WWOX: variants seen among roughly 807,000 people sequenced by gnomAD.
WWOX encodes WW domain containing oxidoreductase.
WWOX carries 69 observed loss-of-function variants against 46.2 expected under a neutral mutation model. The observed-to-expected ratio is 1.49, with a 90% CI of 1.23 to 1.82. The LOEUF is 1.82. WWOX is among the 40% of genes most tolerant of loss of function. The pLI, the probability that WWOX is intolerant of heterozygous loss-of-function variation, is 0.00. For synonymous variants in WWOX, 359 were observed against 202.6 expected (o/e 1.77, Z -6.56); for missense variants, 919 against 542.6 (o/e 1.69, Z -6.89).
intron 8 of WWOX, among the ~76,000 whole-genome samples, chr16:78,773,208 T>C (rs1202419282): frequency 1.3e-5 from 2 of 152,192 alleles, no homozygotes; most frequent in Non-Finnish European, 2.9e-5. Context: ...GGGCAGTTAA[T>C]ATATATTTGT....
intron 8 of WWOX, among the ~76,000 whole-genome samples, chr16:79,073,719 C>T (rs566641212): frequency 6.6e-6 from 1 of 152,076 alleles, no homozygotes; most frequent in African/African-American, 2.4e-5. Flanking sequence ...TGATGAAGTT[C>T]TAGTAAATGG....
chr16:78,387,526 A>G (rs1339216187), intron 6 of WWOX, among the ~76,000 whole-genome samples: 1 of 152,010 alleles, frequency 6.6e-6, no homozygotes, highest in African/African-American at 2.4e-5. Flanking sequence ...TTTTGATCCT[A>G]TCATATGCTA....
intron 5 of WWOX, among the ~76,000 whole-genome samples, chr16:78,210,186 A>C (rs1042709066): frequency 6.6e-6 from 1 of 152,200 alleles, no homozygotes; most frequent in Admixed American, 6.5e-5. Context: ...TTCAATATTC[A>C]AAGTACATCT....
At chr16:78,566,815 C>T (rs2044580178) in intron 8 of WWOX, among the ~76,000 whole-genome samples, 1 of 152,214 alleles carries the variant, frequency 6.6e-6, no homozygotes, top group African/African-American at 2.4e-5. Context: ...GCTTTTTGCA[C>T]ATTGTTTGAT....
intron 8 of WWOX, among the ~76,000 whole-genome samples, chr16:78,458,457 C>T (rs952828538): frequency 6.6e-6 from 1 of 151,894 alleles, no homozygotes; most frequent in Non-Finnish European, 1.5e-5. Flanking sequence ...GACAAGGTTT[C>T]CCTATGTTGC....
chr16:79,064,488 A>G (rs761448179), intron 8 of WWOX, among the ~76,000 whole-genome samples: 7 of 152,160 alleles, frequency 4.6e-5, no homozygotes, highest in Non-Finnish European at 1.0e-4. Flanking sequence ...ACGTTTGTTG[A>G]GGGATTTGAG....
At position 78,843,642 on chromosome 16, in the gene WWOX, C is replaced by T. The variant is rs148480892; in HGVS notation, c.1057-367966C>T. 3.4e-3 allele frequency among the ~76,000 whole-genome samples: 513 copies of T among 152,164 alleles called. 12 individuals are homozygous for T. The highest frequency in any genetic ancestry group is 0.012 in the African/African-American group (489 of 41,552). On this transcript the variant is annotated intron_variant, in intron 8 of 8. Coordinates refer to ENST00000566780, the MANE Select transcript of WWOX (RefSeq NM_016373.4). ...AATGAATGAGGAAGTGAGCAAATCACACTCATCGAGGAGCAAAATAATTCA... is the reference window on the plus strand; with the variant it reads ...AATGAATGAGGAAGTGAGCAAATCATACTCATCGAGGAGCAAAATAATTCA...
At chr16:78,570,971 C>A (rs2044702001) in intron 8 of WWOX, among the ~76,000 whole-genome samples, 1 of 152,100 alleles carries the variant, frequency 6.6e-6, no homozygotes, top group Admixed American at 6.6e-5. Flanking sequence ...GGTGCCCTGG[C>A]AAGGCAAAGA....
At chr16:78,871,431 G>A (rs530444525) in intron 8 of WWOX, among the ~76,000 whole-genome samples, 64 of 152,288 alleles carry the variant, frequency 4.2e-4, no homozygotes, top group African/African-American at 1.3e-3. Flanking sequence ...CACAGGCTTC[G>A]ATGAAGCTTG....
chr16:79,207,761 T>G (rs2051567563), intron 8 of WWOX, among the ~76,000 whole-genome samples: 1 of 151,092 alleles, frequency 6.6e-6, no homozygotes, highest in Non-Finnish European at 1.5e-5. Flanking sequence ...TACTAACCAA[T>G]GCATTACAAA....
At chr16:78,896,817 CAT>C (rs774111630) in intron 8 of WWOX, 4 of 151,912 alleles carry the variant, frequency 2.6e-5, no homozygotes, top group Non-Finnish European at 5.9e-5. Context: ...ATTATTGAGA[CAT>C]AATTTACATA....
intron 6 of WWOX, among the ~76,000 whole-genome samples, chr16:78,390,547 T>C (rs944594831): frequency 2.4e-4 from 36 of 152,308 alleles, no homozygotes; most frequent in Non-Finnish European, 4.9e-4. Context: ...GGATTTTACA[T>C]GGCTTAGAGA....
intron 8 of WWOX, among the ~76,000 whole-genome samples, chr16:78,545,169 C>T (rs1186729730): frequency 6.6e-6 from 1 of 152,182 alleles, no homozygotes; most frequent in Non-Finnish European, 1.5e-5. Flanking sequence ...GCAGTAACTG[C>T]CCTCCCACTG....
chr16:79,179,752 G>C (rs963394030), intron 8 of WWOX, among the ~76,000 whole-genome samples: 2 of 152,186 alleles, frequency 1.3e-5, no homozygotes, highest in Non-Finnish European at 2.9e-5. Context: ...AATGGGAAAG[G>C]ACTGAAAGAT....
intron 5 of WWOX, among the ~76,000 whole-genome samples, chr16:78,184,755 T>C (rs764749395): frequency 2.0e-5 from 3 of 152,190 alleles, no homozygotes; most frequent in Non-Finnish European, 4.4e-5. Flanking sequence ...CTGGGTTATA[T>C]AGCAGATGTG....
At chr16:78,128,084 G>A (rs1597239395) in intron 4 of WWOX, among the ~76,000 whole-genome samples, 1 of 152,184 alleles carries the variant, frequency 6.6e-6, no homozygotes. Context: ...AAAAATCATA[G>A]TTATAGAAGA....
At chr16:78,497,546 T>G (rs57164796) in intron 8 of WWOX, among the ~76,000 whole-genome samples, 11,782 of 133,566 alleles carry the variant, frequency 0.088, 477 homozygotes, top group Middle Eastern at 0.098. Flanking sequence ...AGAAAGAGAA[T>G]ATTTGCAAAC....
chr16:78,455,542 C>T (rs1170839215), intron 8 of WWOX, among the ~76,000 whole-genome samples: 1 of 146,594 alleles, frequency 6.8e-6, no homozygotes, highest in East Asian at 2.1e-4. Context: ...ACTCTGGATG[C>T]TGAGGCACGA....
chr16:79,204,038 T>C (rs930232409), intron 8 of WWOX: 3 of 152,176 alleles, frequency 2.0e-5, no homozygotes, highest in African/African-American at 7.2e-5. Flanking sequence ...TCAGATTTGT[T>C]CCATGTAGAA....
Sources: allele counts gnomAD v4.1 joint callset (sites outside exome capture counted in the v4.1 genomes callset), GRCh38; gene constraint gnomAD v4.1.1; transcripts MANE v1.5; gene names NCBI Gene and HGNC (gene_info 2026-07-23, HGNC 2026-07-21).